Variants in CACNB2 observed in about 807,000 individuals in gnomAD.
CACNB2 encodes the protein voltage-dependent L-type calcium channel subunit beta-2.
A neutral mutation model predicts 73.3 loss-of-function variants in CACNB2; 42 were observed. That is an observed-to-expected ratio of 0.57 (90% CI 0.45 to 0.74). The LOEUF (loss-of-function observed/expected upper bound fraction) is 0.74. Ranked by LOEUF, CACNB2 falls within the 30% of genes least tolerant of loss-of-function variation. The pLI is 0.00. For synonymous variants in CACNB2, 348 were observed against 310.3 expected (o/e 1.12, Z -1.28); for missense variants, 940 against 853.0 (o/e 1.10, Z -1.27).
intron 2 of CACNB2, among the ~76,000 whole-genome samples, chr10:18,179,684 G>A (rs1040411979): frequency 6.6e-6 from 1 of 151,004 alleles, no homozygotes; most frequent in East Asian, 2.0e-4. Flanking sequence ...TTAACTTTTT[G>A]TATGATGCCT....
intron 2 of CACNB2, among the ~76,000 whole-genome samples, chr10:18,364,381 A>T (rs1022061081): frequency 1.3e-5 from 2 of 150,762 alleles, no homozygotes; most frequent in Non-Finnish European, 3.0e-5. Flanking sequence ...GCTCATTGTA[A>T]CTTCCGTCTT....
chr10:18,309,038 G>A (rs1456669175), intron 2 of CACNB2, among the ~76,000 whole-genome samples: 2 of 152,074 alleles, frequency 1.3e-5, no homozygotes, highest in African/African-American at 2.4e-5. Flanking sequence ...CGGAAGTGAT[G>A]CTGTCCTTCT....
intron 2 of CACNB2, among the ~76,000 whole-genome samples, chr10:18,177,449 G>A (rs11012877): frequency 0.12 from 15,954 of 132,944 alleles, 973 homozygotes; most frequent in East Asian, 0.27. Flanking sequence ...GTGAAACCCC[G>A]TCTCTATTAA....
chr10:18,317,798 T>A (rs897557258), intron 2 of CACNB2, among the ~76,000 whole-genome samples: 1 of 152,180 alleles, frequency 6.6e-6, no homozygotes, highest in East Asian at 1.9e-4. Flanking sequence ...CCATACATAT[T>A]TATTGAGTGC....
chr10:18,405,874 C>T (rs1384619075), intron 3 of CACNB2, among the ~76,000 whole-genome samples: 1 of 152,194 alleles, frequency 6.6e-6, no homozygotes, highest in Non-Finnish European at 1.5e-5. Context: ...AGGAGAATCA[C>T]TTGACGCTGG....
chr10:18,253,201 G>A (rs772383679), intron 2 of CACNB2, among the ~76,000 whole-genome samples: 2 of 152,202 alleles, frequency 1.3e-5, no homozygotes, highest in Non-Finnish European at 2.9e-5. Context: ...GCAGGAGTCA[G>A]TGAAACTCTT....
intron 2 of CACNB2, among the ~76,000 whole-genome samples, chr10:18,233,961 C>T (rs895665390): frequency 1.3e-5 from 2 of 152,152 alleles, no homozygotes; most frequent in Non-Finnish European, 2.9e-5. Flanking sequence ...CATAGGCGTC[C>T]CCTACTGTTG....
intron 10 of CACNB2, among the ~76,000 whole-genome samples, chr10:18,528,205 T>C (rs1388744406): frequency 6.6e-6 from 1 of 152,222 alleles, no homozygotes; most frequent in African/African-American, 2.4e-5. Context: ...GTGTGGAAAT[T>C]AGTAAAAGAT....
intron 2 of CACNB2, among the ~76,000 whole-genome samples, chr10:18,269,498 T>C (rs1382812997): frequency 6.6e-6 from 1 of 152,180 alleles, no homozygotes; most frequent in East Asian, 1.9e-4. Flanking sequence ...AATGGTAACA[T>C]AACATTTGAG....
chr10:18,350,604 C>T (rs927873820), intron 2 of CACNB2, among the ~76,000 whole-genome samples: 2 of 152,138 alleles, frequency 1.3e-5, no homozygotes, highest in Non-Finnish European at 2.9e-5. Context: ...TGACCTTGAA[C>T]CCTGCAGGTC....
intron 6 of CACNB2, among the ~76,000 whole-genome samples, chr10:18,510,014 C>A (rs939398460): frequency 6.6e-6 from 1 of 152,168 alleles, no homozygotes; most frequent in African/African-American, 2.4e-5. Context: ...TAATAAAATA[C>A]ATGTAGCTGA....
chr10:18,438,183 ATTTTT>A (rs372226267), intron 3 of CACNB2, among the ~76,000 whole-genome samples: 1,479 of 93,964 alleles, frequency 0.016, 36 homozygotes, highest in African/African-American at 0.06. Context: ...ACACCTGGCG[ATTTTT>A]TTTTTTTTTT....
chr10:18,285,024 C>G (rs764948504), intron 2 of CACNB2, among the ~76,000 whole-genome samples: 3 of 152,092 alleles, frequency 2.0e-5, no homozygotes, highest in Non-Finnish European at 4.4e-5. Flanking sequence ...GTATTGGAGA[C>G]GTAAGTGAGA....
chr10:18,361,951 C>G (rs938224003), intron 2 of CACNB2, among the ~76,000 whole-genome samples: 7 of 152,094 alleles, frequency 4.6e-5, no homozygotes, highest in African/African-American at 1.7e-4. Context: ...CAAAACCAAC[C>G]CCTGTTTCTA....
intron 2 of CACNB2, among the ~76,000 whole-genome samples, chr10:18,228,056 G>C (rs1311079819): frequency 6.6e-6 from 1 of 152,176 alleles, no homozygotes; most frequent in African/African-American, 2.4e-5. Context: ...CTTTTCCACA[G>C]AGTGTCTTTT....
chr10:18,539,150 T>A, intron 13 of CACNB2, 80 bp from the exon 14 acceptor site: 1 of 1,579,308 alleles, frequency 6.3e-7, no homozygotes, highest in East Asian at 2.2e-5. Flanking sequence ...AAAAGGACTC[T>A]GCTTGAATGC....
intron 2 of CACNB2, among the ~76,000 whole-genome samples, chr10:18,153,127 A>G (rs1255977223): frequency 1.3e-5 from 2 of 152,222 alleles, no homozygotes; most frequent in South Asian, 4.1e-4. Flanking sequence ...TGATAACAAG[A>G]GTTGTTAAAT....
intron 3 of CACNB2, among the ~76,000 whole-genome samples, chr10:18,496,947 G>A (rs1485453769): frequency 1.3e-5 from 2 of 150,296 alleles, no homozygotes; most frequent in Admixed American, 6.6e-5. Flanking sequence ...ATGGTGTCTC[G>A]TACCTGTAAT....
chr10:18,283,243 A>C (rs1271790124), intron 2 of CACNB2, among the ~76,000 whole-genome samples: 1 of 152,236 alleles, frequency 6.6e-6, no homozygotes, highest in Non-Finnish European at 1.5e-5. Context: ...TAGTTCAACC[A>C]TTGTGGAAGA....
Sources: gnomAD v4.1 joint callset for allele counts (sites outside exome capture counted in the v4.1 genomes callset) on GRCh38, gnomAD v4.1.1 for gene constraint, MANE v1.5 for transcripts, NCBI Gene and HGNC (gene_info 2026-07-23, HGNC 2026-07-21) for gene names.